Variants in CPXM2 observed in about 807,000 individuals in gnomAD.
The protein encoded by CPXM2 is carboxypeptidase X, M14 family member 2.
Under a neutral mutation model 86.1 loss-of-function variants are expected in CPXM2, and 66 were observed. The ratio of observed to expected loss-of-function variants is 0.77; its 90% CI spans 0.63 to 0.94. The LOEUF (loss-of-function observed/expected upper bound fraction) is 0.94, where lower values mean the gene tolerates loss of function less well. CPXM2 is among the 40% of genes least tolerant of loss of function. The pLI is 0.00. For synonymous variants in CPXM2, 388 were observed against 400.2 expected (o/e 0.97, Z 0.36); for missense variants, 948 against 1,026.3 (o/e 0.92, Z 1.04).
At chr10:123,766,906 T>C in intron 10 of CPXM2, 67 bp downstream of exon 10, 1 of 1,288,506 alleles carries the variant, frequency 7.8e-7, no homozygotes, top group Non-Finnish European at 1.1e-6. Flanking sequence ...TGCTATCCTC[T>C]GCAAATACCA....
Position 123,770,996 on chromosome 10 carries a change from A to G in CPXM2, c.1022T>C (p.Ile341Thr), listed in dbSNP as rs1846616852. Residue 341 changes from isoleucine to threonine, a missense_variant, in exon 8 of 14, where the codon ATT (isoleucine) becomes ACT (threonine). Transcript: ENST00000241305. ...CTGGTGGCTTTTTCCAATGTTGTAA[A>G]TTCTGGTGATATTGGGACACATTTC... ...VNEMCPNITR[I>T]YNIGKSHQGL... 6.2e-7 allele frequency: 1 copy of G among 1,613,348 alleles called. No individual in the cohort carries two copies. Among genetic ancestry groups the G allele is most frequent in the Non-Finnish European group, 8.5e-7 (1 of 1,179,370 alleles).
At chr10:123,918,352 C>G (rs1174847504) in intron 2 of CPXM2, among the ~76,000 whole-genome samples, 1 of 151,618 alleles carries the variant, frequency 6.6e-6, no homozygotes, top group Non-Finnish European at 1.5e-5. Flanking sequence ...ATACCTTACT[C>G]TCTATCTCTT....
At chr10:123,936,699 C>G (rs941509726) in intron 2 of CPXM2, among the ~76,000 whole-genome samples, 1 of 152,190 alleles carries the variant, frequency 6.6e-6, no homozygotes, top group Non-Finnish European at 1.5e-5. Context: ...TTCCTCAAGT[C>G]TCACACCCTG....
intron 2 of CPXM2, among the ~76,000 whole-genome samples, chr10:123,897,275 TG>T (rs1175645479): frequency 2.0e-5 from 3 of 152,158 alleles, no homozygotes; most frequent in African/African-American, 7.2e-5. Flanking sequence ...TTAATTCACC[TG>T]TCATCTGTGT....
In CPXM2 at chr10:123,891,539, A is replaced by C. The variant is rs1306424820; in HGVS notation, c.121T>G (p.Trp41Gly). 1 of 1,548,540 alleles carries C rather than the reference A, an allele frequency of 6.5e-7. No individual in the cohort carries two copies. The highest frequency in any genetic ancestry group is 2.5e-5 in the East Asian group (1 of 40,792). The change falls in exon 1 of 14, where the codon TGG becomes GGG. Residue 41 changes from tryptophan (W) to glycine (G), a missense_variant. By Grantham distance (184) the Trp-to-Gly change is radical. Coordinates refer to ENST00000241305, the MANE Select transcript of CPXM2 (RefSeq NM_198148.3). This position sits in a 1 kb window ranked among gnomAD's most constrained non-coding sequence, Gnocchi z 5.6. The stretch of plus-strand genomic sequence containing the variant: ...CGCGCGTAGTAGGGCTCCCGGCTCC[A>C]GATCTCCTGCCCGTAATAATCAGGG... ...EDPDYYGQEI[W>G]SREPYYARPE...
At chr10:123,942,415 T>A (rs939123233), upstream of CPXM2, among the ~76,000 whole-genome samples, 1 of 152,146 alleles carries the variant, frequency 6.6e-6, no homozygotes, top group Non-Finnish European at 1.5e-5. Flanking sequence ...GAAAACAGGA[T>A]GTGGTAAAGA....
chr10:123,756,971 T>A (rs1224224717), intron 12 of CPXM2, among the ~76,000 whole-genome samples: 1 of 152,168 alleles, frequency 6.6e-6, no homozygotes, highest in Non-Finnish European at 1.5e-5. Context: ...CGGAGCAGCA[T>A]CAGAGAGCTC....
chr10:123,880,437 G>A, intron 1 of CPXM2, 128 bp from the exon 2 acceptor site: 1 of 618,490 alleles, frequency 1.6e-6, no homozygotes, highest in South Asian at 1.9e-5. Context: ...CTAAAGATGG[G>A]GTCTTGGACT....
chr10:123,870,545 A>T (rs1342754760), intron 2 of CPXM2, among the ~76,000 whole-genome samples: 1 of 152,192 alleles, frequency 6.6e-6, no homozygotes, highest in African/African-American at 2.4e-5. Flanking sequence ...TGAAGTGTGA[A>T]GGCAGCTTCC....
chr10:123,770,644 G>A (rs1340543926), intron 8 of CPXM2, among the ~76,000 whole-genome samples: 1 of 152,220 alleles, frequency 6.6e-6, no homozygotes, highest in Non-Finnish European at 1.5e-5. Context: ...TTTGGCTATT[G>A]TGATTGGTCT....
intron 2 of CPXM2, among the ~76,000 whole-genome samples, chr10:123,864,379 G>A (rs1848932396): frequency 6.6e-6 from 1 of 152,200 alleles, no homozygotes; most frequent in Non-Finnish European, 1.5e-5. Flanking sequence ...TGGTTTCAGG[G>A]TTCAAGGGAC....
At chr10:123,901,260 A>G (rs563020732) in intron 2 of CPXM2, among the ~76,000 whole-genome samples, 14 of 152,316 alleles carry the variant, frequency 9.2e-5, no homozygotes, top group Admixed American at 2.0e-4. Context: ...AGGAAATACA[A>G]TTTTAAAAAG....
upstream of CPXM2, among the ~76,000 whole-genome samples, chr10:123,942,626 G>A (rs560834212): frequency 1.2e-4 from 18 of 152,278 alleles, no homozygotes; most frequent in Middle Eastern, 3.4e-3. Flanking sequence ...AATCCCCACC[G>A]CTTTCCAAGA....
rs114856329 is a variant in CPXM2, at chr10:123,827,281, G to T, written c.653+15068C>A. 2.4e-3 allele frequency among the ~76,000 whole-genome samples: 362 copies of T among 152,260 alleles called. 2 individuals are homozygous for T. Among genetic ancestry groups the T allele is most frequent in the African/African-American group, 8.4e-3 (350 of 41,556 alleles). ...CTTGGACTAAATAGAAAAATCAGAA[G>T]AAGCCTCCTGAAACCATGCCTAAAT... On this transcript the variant is annotated intron_variant, in intron 4 of 13. Coordinates refer to ENST00000241305, the MANE Select transcript of CPXM2 (RefSeq NM_198148.3).
chr10:123,872,770 C>T (rs985076498), intron 2 of CPXM2, among the ~76,000 whole-genome samples: 12 of 151,830 alleles, frequency 7.9e-5, no homozygotes, highest in Admixed American at 3.3e-4. Context: ...CAAAAAATTC[C>T]ACCAAAAGAA....
chr10:123,876,602 A>C (rs1944991648), intron 2 of CPXM2, among the ~76,000 whole-genome samples: 1 of 152,220 alleles, frequency 6.6e-6, no homozygotes, highest in African/African-American at 2.4e-5. Flanking sequence ...TAAAATAAGA[A>C]TAAACTTTAA....
chr10:123,897,003 T>C (rs1228150961), intron 2 of CPXM2, among the ~76,000 whole-genome samples: 1 of 143,746 alleles, frequency 7.0e-6, no homozygotes, highest in Non-Finnish European at 1.6e-5. Flanking sequence ...CCAATAGAGA[T>C]AGGAAGGTGA....
upstream of CPXM2, among the ~76,000 whole-genome samples, chr10:123,895,254 G>C (rs886650570): frequency 6.6e-6 from 1 of 150,684 alleles, no homozygotes; most frequent in Non-Finnish European, 1.5e-5. Context: ...CTCCCAAGTA[G>C]CTGGGATTAC....
chr10:123,805,644 T>C (rs1322883293), intron 4 of CPXM2, among the ~76,000 whole-genome samples: 1 of 152,194 alleles, frequency 6.6e-6, no homozygotes, highest in Non-Finnish European at 1.5e-5. Context: ...AAATATTCTA[T>C]GTGCACTTGA....
Sources: gnomAD v4.1 joint callset for allele counts (sites outside exome capture counted in the v4.1 genomes callset) on GRCh38, gnomAD v4.1.1 for gene constraint, Gnocchi (gnomAD v3.1) non-coding constraint, MANE v1.5 for transcripts, NCBI Gene and HGNC (gene_info 2026-07-23, HGNC 2026-07-21) for gene names.